Variants in ZFHX3 observed in about 807,000 individuals in gnomAD.
ZFHX3 encodes the protein zinc finger homeobox 3, also known as zinc finger homeobox protein 3.
In ZFHX3, 42 loss-of-function variants were observed where a neutral mutation model predicts 279.1. The ratio of observed to expected loss-of-function variants is 0.15; its 90% CI spans 0.12 to 0.19. The LOEUF is 0.19. Among genes scored for constraint, ZFHX3 ranks in the 10% least tolerant of loss-of-function variants. The pLI is 1.00. For missense variants in ZFHX3, 4,981 were observed against 4,754.0 expected (o/e 1.05, Z -1.40); for synonymous variants, 2,293 against 1,957.8 (o/e 1.17, Z -4.52).
intron 3 of ZFHX3, among the ~76,000 whole-genome samples, chr16:72,920,565 T>C (rs776596036): frequency 6.6e-6 from 1 of 151,728 alleles, no homozygotes; most frequent in Non-Finnish European, 1.5e-5. Flanking sequence ...GGTAAGCGCC[T>C]GTAATCCCAG....
At chr16:73,307,530 G>A (rs115714210) in intron 4 of ZFHX3, among the ~76,000 whole-genome samples, 5 of 152,198 alleles carry the variant, frequency 3.3e-5, no homozygotes, top group East Asian at 1.9e-4. Flanking sequence ...AAACAGTCAC[G>A]CCAGTAGCCA....
chr16:73,071,340 G>C (rs1400864613), intron 8 of ZFHX3, among the ~76,000 whole-genome samples: 1 of 151,920 alleles, frequency 6.6e-6, no homozygotes, highest in Non-Finnish European at 1.5e-5. Context: ...TTCCCACCCT[G>C]CTGCTGACCA....
chr16:73,705,121 T>G (rs532901444), intron 1 of ZFHX3, among the ~76,000 whole-genome samples: 68 of 152,264 alleles, frequency 4.5e-4, no homozygotes, highest in Admixed American at 7.8e-4. Flanking sequence ...AATAGTAAAA[T>G]GTAGTAAAAT....
At chr16:73,509,905 A>T (rs1300618369) in intron 2 of ZFHX3, among the ~76,000 whole-genome samples, 2 of 152,152 alleles carry the variant, frequency 1.3e-5, no homozygotes, top group Non-Finnish European at 2.9e-5. Context: ...CATGTTGGCC[A>T]GGCTGGTCTT....
intron 1 of ZFHX3, among the ~76,000 whole-genome samples, chr16:73,034,233 A>G (rs985335783): frequency 1.3e-5 from 2 of 151,982 alleles, no homozygotes; most frequent in South Asian, 4.2e-4. Context: ...GGAGACGCCC[A>G]CTGGTCCTCG....
chr16:72,994,274 G>C (rs1162548111), intron 1 of ZFHX3, among the ~76,000 whole-genome samples: 1 of 152,162 alleles, frequency 6.6e-6, no homozygotes, highest in Non-Finnish European at 1.5e-5. Context: ...CATTGTAAAT[G>C]AATATTTAAG....
intron 1 of ZFHX3, among the ~76,000 whole-genome samples, chr16:73,713,101 G>A (rs551186100): frequency 6.6e-6 from 1 of 152,344 alleles, no homozygotes; most frequent in South Asian, 2.1e-4. Context: ...GAGAGAAAGA[G>A]AGAGAGAGTG....
intron 1 of ZFHX3, among the ~76,000 whole-genome samples, chr16:73,032,007 G>A (rs1242483543): frequency 6.6e-6 from 1 of 152,150 alleles, no homozygotes; most frequent in Non-Finnish European, 1.5e-5. Context: ...AAAAAAATGT[G>A]TCCTACTCTA....
intron 1 of ZFHX3, among the ~76,000 whole-genome samples, chr16:73,687,596 C>A (rs928371947): frequency 2.0e-5 from 3 of 152,098 alleles, no homozygotes; most frequent in Non-Finnish European, 2.9e-5. Context: ...GTAATCCCAG[C>A]ACTTTGGGAG....
At chr16:73,240,072 C>G (rs1453798450) in intron 5 of ZFHX3, among the ~76,000 whole-genome samples, 2 of 151,026 alleles carry the variant, frequency 1.3e-5, no homozygotes, top group African/African-American at 2.4e-5. Context: ...CATATAGTTA[C>G]TTAACATTGA....
intron 4 of ZFHX3, among the ~76,000 whole-genome samples, chr16:73,305,031 T>TAG (rs2015148039): frequency 6.6e-6 from 1 of 151,766 alleles, no homozygotes; most frequent in Non-Finnish European, 1.5e-5. Flanking sequence ...TTTACCCCCT[T>TAG]GCCCCAGCAG....
At chr16:72,871,784 T>C (rs947168284) in intron 4 of ZFHX3, among the ~76,000 whole-genome samples, 1 of 148,374 alleles carries the variant, frequency 6.7e-6, no homozygotes, top group Non-Finnish European at 1.5e-5. Flanking sequence ...GCCAAAATTT[T>C]AAAAATTTTT....
chr16:73,511,792 T>A (rs1392807491), intron 2 of ZFHX3, among the ~76,000 whole-genome samples: 1 of 152,140 alleles, frequency 6.6e-6, no homozygotes. Flanking sequence ...CAAGTCAGGA[T>A]TCTGAAAGAA....
At position 72,793,464 on chromosome 16, in the gene ZFHX3, C is replaced by A; in HGVS notation, c.9218G>T (p.Arg3073Leu). ...EKEYFDPATV[R>L]QLMAQQELDR... ...CAACTCTTGTTGAGCCATCAACTGA[C>A]GTACGGTGGCTGGGTCAAAGTATTC... Residue 3073 changes from arginine to leucine, a missense_variant, in exon 9 of 10, where the codon CGT (arginine) becomes CTT (leucine). By Grantham distance (102) the Arg-to-Leu change is moderately radical (BLOSUM62 -2). Coordinates refer to ENST00000268489, the MANE Select transcript of ZFHX3 (RefSeq NM_006885.4). This position sits in a 1 kb window ranked among gnomAD's most constrained non-coding sequence, Gnocchi z 4.3. 1.2e-6 allele frequency: 2 copies of A among 1,614,170 alleles called. No homozygotes were observed. Among genetic ancestry groups the A allele is most frequent in the Non-Finnish European group, 1.7e-6 (2 of 1,180,024 alleles).
chr16:73,453,457 C>G (rs145482252), intron 3 of ZFHX3, among the ~76,000 whole-genome samples: 85 of 152,244 alleles, frequency 5.6e-4, no homozygotes, highest in African/African-American at 1.9e-3. Context: ...GTCTCACTAC[C>G]CTGAGACTTC....
At chr16:72,888,082 A>C (rs985258446) in intron 4 of ZFHX3, among the ~76,000 whole-genome samples, 1 of 152,178 alleles carries the variant, frequency 6.6e-6, no homozygotes. Flanking sequence ...GTATGAGAAG[A>C]AACATGGAAA....
At chr16:72,815,102 T>C (rs1371692111) in intron 5 of ZFHX3, among the ~76,000 whole-genome samples, 1 of 152,170 alleles carries the variant, frequency 6.6e-6, no homozygotes, top group Non-Finnish European at 1.5e-5. Flanking sequence ...TTTCTGTAGA[T>C]GGGCAAACAG....
At chr16:73,884,455 T>C (rs938037863) in intron 1 of ZFHX3, among the ~76,000 whole-genome samples, 3 of 152,218 alleles carry the variant, frequency 2.0e-5, no homozygotes, top group African/African-American at 7.2e-5. Context: ...GTGGAGGCCA[T>C]GCCATATGAC....
intron 2 of ZFHX3, among the ~76,000 whole-genome samples, chr16:73,520,659 G>A (rs1321260408): frequency 6.6e-6 from 1 of 152,168 alleles, no homozygotes; most frequent in African/African-American, 2.4e-5. Context: ...AGCATACATA[G>A]TAGACATACA....
Sources: gnomAD v4.1 joint callset for allele counts (sites outside exome capture counted in the v4.1 genomes callset) on GRCh38, gnomAD v4.1.1 for gene constraint, Gnocchi (gnomAD v3.1) non-coding constraint, MANE v1.5 for transcripts, NCBI Gene and HGNC (gene_info 2026-07-23, HGNC 2026-07-21) for gene names.